The following CDC42BPB variants were observed in gnomAD, a reference collection of about 807,000 sequenced individuals.
CDC42BPB encodes the protein serine/threonine-protein kinase MRCK beta.
Under a neutral mutation model 214.9 loss-of-function variants are expected in CDC42BPB, and 37 were observed. The ratio of observed to expected loss-of-function variants is 0.17; its 90% confidence interval spans 0.13 to 0.23. The LOEUF is 0.23. Ranked by LOEUF, CDC42BPB falls within the 10% of genes least tolerant of loss-of-function variation. CDC42BPB has a pLI of 1.00. For synonymous variants in CDC42BPB, 931 were observed against 884.0 expected (o/e 1.05, Z -0.94); for missense variants, 1,694 against 2,227.0 (o/e 0.76, Z 4.82).
At position 103,004,872 on chromosome 14, in the gene CDC42BPB, A is replaced by C. The variant is rs1375110518; in HGVS notation, c.352-849T>G. 6.6e-6 allele frequency among the ~76,000 whole-genome samples: 1 copy of C among 151,866 alleles called. No individual in the cohort carries two copies. The highest frequency in any genetic ancestry group is 2.4e-5 in the African/African-American group (1 of 41,332). On this transcript the variant is annotated intron_variant, in intron 3 of 36. Coordinates refer to ENST00000361246, the MANE Select transcript of CDC42BPB (RefSeq NM_006035.4). This position sits in a 1 kb window ranked among gnomAD's most constrained non-coding sequence, Gnocchi z 5.3. The stretch of plus-strand genomic sequence containing the variant: ...CGACAGAGCCAGACTCCATCTCAAA[A>C]AGAAAAAAAAAATGGCTGGTCACGG...
rs1276345638 is a variant in CDC42BPB, at chr14:102,940,292, C to T, written c.4441G>A (p.Glu1481Lys). 6 of 1,584,634 alleles carry T rather than the reference C, an allele frequency of 3.8e-6. No homozygotes were observed. Among genetic ancestry groups the T allele is most frequent in the East Asian group, 2.3e-5 (1 of 43,502 alleles). ...CSPTHVTVYS[E>K]YGVDVFDVRT... ...ACATCAAAGACGTCCACGCCATACTCGCTGTACACCGTGACGTGGGTGGGG... is the reference window on the plus strand; with the variant it reads ...ACATCAAAGACGTCCACGCCATACTTGCTGTACACCGTGACGTGGGTGGGG... Residue 1481 changes from glutamate (E) to lysine (K), a missense_variant, in exon 31 of 37, where the codon GAG becomes AAG. Transcript: ENST00000361246.
intron 18 of CDC42BPB, 119 bp from the exon 19 acceptor site, chr14:102,964,769 A>C: frequency 7.4e-7 from 1 of 1,342,310 alleles, no homozygotes; most frequent in Non-Finnish European, 9.5e-7. Flanking sequence ...TTAGATATTA[A>C]CTCTAAATTA....
rs536492132 is a variant in CDC42BPB at position 103,005,019 on chromosome 14, T to G, written c.352-996A>C. On this transcript the variant is annotated intron_variant, in intron 3 of 36. Transcript: ENST00000361246. ...CGTCTCTATTAAAAATACAAAAAAATTAGCTGGGTGTGGTGGTGGGCGCCT... is the reference window on the plus strand; with the variant it reads ...CGTCTCTATTAAAAATACAAAAAAAGTAGCTGGGTGTGGTGGTGGGCGCCT... Among the ~76,000 whole-genome samples, 11 of 148,378 alleles carry G rather than the reference T, an allele frequency of 7.4e-5. No homozygotes were observed. The South Asian group carries it at 2.4e-3, about 32-fold the overall frequency.
intron 3 of CDC42BPB, among the ~76,000 whole-genome samples, chr14:103,008,187 C>T (rs1350755482): frequency 2.6e-5 from 4 of 152,238 alleles, no homozygotes; most frequent in East Asian, 1.9e-4. Context: ...AATGCTGAAA[C>T]TCTCCCGATG....
chr14:103,015,800 C>T (rs1886421907), intron 1 of CDC42BPB, among the ~76,000 whole-genome samples: 1 of 152,086 alleles, frequency 6.6e-6, no homozygotes, highest in Non-Finnish European at 1.5e-5. Context: ...CCTCCGCCTC[C>T]TGGGTTCAAG....
chr14:103,000,242 T>C (rs1483088502), intron 4 of CDC42BPB, among the ~76,000 whole-genome samples: 1 of 152,182 alleles, frequency 6.6e-6, no homozygotes, highest in Non-Finnish European at 1.5e-5. Context: ...CCTACTTAAG[T>C]AGAAATTGGA....
Position 103,012,183 on chromosome 14 carries a change from G to A in CDC42BPB, c.181C>T (p.Pro61Ser), listed in dbSNP as rs1886193515. The change falls in exon 2 of 37, where the codon CCA becomes TCA. Residue 61 changes from proline to serine, a missense_variant. This residue lies in a region of CDC42BPB where 225 missense variants were observed against 459.3 expected (regional missense o/e 0.49). Coordinates refer to ENST00000361246, the MANE Select transcript of CDC42BPB (RefSeq NM_006035.4). ...ATTTCTTTCACCAGCTGTGTAAATGGTTTAGCTACAAGTAAAACAGTAAAA... is the reference window on the plus strand; with the variant it reads ...ATTTCTTTCACCAGCTGTGTAAATGATTTAGCTACAAGTAAAACAGTAAAA... Reference protein sequence around the residue: ...YVAEFLEWAKPFTQLVKEMQL... With the variant: ...YVAEFLEWAKSFTQLVKEMQL... 1 of 1,612,084 alleles carries A rather than the reference G, an allele frequency of 6.2e-7. No homozygotes were observed. Among genetic ancestry groups the A allele is most frequent in the Non-Finnish European group, 8.5e-7 (1 of 1,178,574 alleles).
chr14:102,981,911 G>A (rs1016351761), intron 7 of CDC42BPB, among the ~76,000 whole-genome samples: 2 of 152,134 alleles, frequency 1.3e-5, no homozygotes, highest in African/African-American at 2.4e-5. Flanking sequence ...ACATGCGCAC[G>A]CACACACACG....
At chr14:103,025,627 G>A (rs555099369) in intron 1 of CDC42BPB, among the ~76,000 whole-genome samples, 6 of 151,838 alleles carry the variant, frequency 4.0e-5, no homozygotes, top group Non-Finnish European at 2.9e-5. Flanking sequence ...AGACTAGCCT[G>A]GCCAACATGG....
chr14:103,028,778 C>CATTA (rs1178816190), intron 1 of CDC42BPB, among the ~76,000 whole-genome samples: 2 of 152,212 alleles, frequency 1.3e-5, no homozygotes, highest in Admixed American at 1.3e-4. Context: ...GCAATTCTCC[C>CATTA]TTAATAGGGC....
chr14:102,944,030 A>C lies in CDC42BPB; in HGVS notation c.4269T>G (p.Ser1423=), dbSNP rs1476557056. The C allele has an allele frequency of 6.2e-7, 1 of 1,613,534 alleles. No homozygotes were observed. Among genetic ancestry groups the C allele is most frequent in the East Asian group, 2.2e-5 (1 of 44,872 alleles). ...DPSLAFLSQQ[S]FDALCAVELE... The stretch of plus-strand genomic sequence containing the variant: ...GCTCCACAGCACAAAGGGCATCAAA[A>C]GACTGTTGTGAGAGGAACGCAAGCG... Residue 1423 remains serine, a synonymous_variant, in exon 30 of 37, where the codon TCT becomes TCG. Transcript: ENST00000361246. The surrounding 1 kb of genome is among the most constrained non-coding windows in gnomAD (Gnocchi z 6.6).
At chr14:102,945,446 C>T (rs1892114266) in intron 29 of CDC42BPB, 7 of 570,952 alleles carry the variant, frequency 1.2e-5, no homozygotes, top group East Asian at 3.1e-5. Context: ...CACCCACTCC[C>T]GCTCAGTGCT....
At chr14:102,969,359 G>A (rs144374538) in intron 14 of CDC42BPB, among the ~76,000 whole-genome samples, 11 of 152,138 alleles carry the variant, frequency 7.2e-5, no homozygotes, top group African/African-American at 1.2e-4. Context: ...GGACAGCTGC[G>A]GAGCCACGGA....
intron 13 of CDC42BPB, 106 bp from the exon 14 acceptor site, chr14:102,970,367 T>G: frequency 6.8e-7 from 1 of 1,470,294 alleles, no homozygotes; most frequent in East Asian, 2.5e-5. Flanking sequence ...GAAGGAGCTC[T>G]GCGCGTGTTC....
intron 29 of CDC42BPB, among the ~76,000 whole-genome samples, 165 bp downstream of exon 29, chr14:102,945,497 C>T (rs1018363968): frequency 6.6e-6 from 1 of 152,280 alleles, no homozygotes; most frequent in Admixed American, 6.5e-5. Context: ...CAACTTAGCA[C>T]CGCGTCGCCA....
chr14:102,934,585 A>C (rs1023032012), intron 36 of CDC42BPB, among the ~76,000 whole-genome samples: 4 of 152,162 alleles, frequency 2.6e-5, no homozygotes, highest in Admixed American at 1.3e-4. Context: ...AGTGGTGCGC[A>C]CCTGCAACCA....
At chr14:103,003,642 G>C (rs147846524) in intron 4 of CDC42BPB, among the ~76,000 whole-genome samples, 3 of 152,312 alleles carry the variant, frequency 2.0e-5, no homozygotes, top group East Asian at 3.9e-4. Flanking sequence ...ATCCAAGATT[G>C]AAAGTGTTTC....
chr14:103,021,191 T>C (rs1886751272), intron 1 of CDC42BPB, among the ~76,000 whole-genome samples: 1 of 152,226 alleles, frequency 6.6e-6, no homozygotes. Context: ...CCGCGTGCAG[T>C]GGCTCACACC....
At chr14:103,005,046 T>C (rs1162781168) in intron 3 of CDC42BPB, among the ~76,000 whole-genome samples, 3 of 151,536 alleles carry the variant, frequency 2.0e-5, no homozygotes, top group Non-Finnish European at 2.9e-5. Context: ...TGGGCGCCTG[T>C]AGTCCCAGCT....
Sources: gnomAD v4.1 joint callset for allele counts (sites outside exome capture counted in the v4.1 genomes callset) on GRCh38, gnomAD v4.1.1 for gene constraint, gnomAD v4.1.1 regional missense constraint, Gnocchi (gnomAD v3.1) non-coding constraint, MANE v1.5 for transcripts, NCBI Gene and HGNC (gene_info 2026-07-23, HGNC 2026-07-21) for gene names.